Variants in PER3 observed in about 807,000 individuals in gnomAD.
PER3 encodes period circadian protein homolog 3.
PER3 carries 107 observed loss-of-function variants against 127.2 expected under a neutral mutation model. The observed-to-expected ratio is 0.84, with a 90% CI of 0.72 to 0.99. The LOEUF (loss-of-function observed/expected upper bound fraction) is 0.99. Among genes scored for constraint, PER3 ranks in the 50% least tolerant of loss-of-function variants. The pLI, the probability that PER3 is intolerant of heterozygous loss-of-function variation, is 0.00. For missense variants in PER3, 1,560 were observed against 1,525.8 expected (o/e 1.02, Z -0.37); for synonymous variants, 618 against 585.8 (o/e 1.05, Z -0.79).
chr1:7,831,159 C>T (rs545365575), intron 19 of PER3, among the ~76,000 whole-genome samples: 2 of 152,140 alleles, frequency 1.3e-5, no homozygotes, highest in Admixed American at 1.3e-4. Context: ...TAGTTTTCAG[C>T]CTACAACCCT....
intron 5 of PER3, 80 bp from the exon 6 acceptor site, chr1:7,793,877 G>C: frequency 8.5e-7 from 1 of 1,180,938 alleles, no homozygotes; most frequent in Non-Finnish European, 1.3e-6. Context: ...ATAGTTTGTT[G>C]TTTGATAATG....
At chr1:7,835,419 G>T (rs2097353286) in intron 19 of PER3, among the ~76,000 whole-genome samples, 1 of 152,214 alleles carries the variant, frequency 6.6e-6, no homozygotes, top group African/African-American at 2.4e-5. Flanking sequence ...ACTACAGGAA[G>T]ACTAAGACGT....
chr1:7,810,578 G>A lies in PER3; in HGVS notation c.1512G>A (p.Ala504=), dbSNP rs530759179. ...AACCGAATGGTGGTGGTGAGTCAGC[G>A]AATGGTGGTGGTGAGTCAGCCGGCA... ...RTEPNGGGES[A]NGGGECKTFT... Residue 504 remains alanine (A), a synonymous_variant, in exon 13 of 22, where the codon GCG becomes GCA. Coordinates refer to ENST00000377532, the MANE Select transcript of PER3 (RefSeq NM_001377275.1). 207 of 1,609,564 alleles carry A rather than the reference G, an allele frequency of 1.3e-4. No homozygotes were observed. Among genetic ancestry groups the A allele is most frequent in the Non-Finnish European group, 1.6e-4 (189 of 1,178,368 alleles).
intron 16 of PER3, among the ~76,000 whole-genome samples, chr1:7,820,867 GAC>G (rs368332367): frequency 3.9e-4 from 60 of 152,292 alleles, no homozygotes; most frequent in African/African-American, 1.3e-3. Context: ...GAAATCAGTT[GAC>G]ACATATAAAG....
Position 7,819,432 on chromosome 1 carries a change from C to T in PER3, c.1658+12C>T. 1 of 1,612,530 alleles carries T rather than the reference C, an allele frequency of 6.2e-7. No homozygotes were observed. The highest frequency in any genetic ancestry group is 1.1e-5 in the South Asian group (1 of 90,974). ...GACAGTGTCATCAGGTATGAGACCG[C>T]AAGTTTGGATACCATGTAAGTCTGT... On this transcript the variant is annotated intron_variant, in intron 14 of 21. Coordinates refer to ENST00000377532, the MANE Select transcript of PER3 (RefSeq NM_001377275.1).
chr1:7,815,744 AG>A (rs895666839), intron 13 of PER3, among the ~76,000 whole-genome samples: 2 of 151,728 alleles, frequency 1.3e-5, no homozygotes, highest in African/African-American at 4.8e-5. Flanking sequence ...CCAGCACTTT[AG>A]GGGGCCGAGG....
At chr1:7,819,571 G>A (rs1451271551) in intron 14 of PER3, 151 bp downstream of exon 14, 4 of 671,042 alleles carry the variant, frequency 6.0e-6, no homozygotes, top group Non-Finnish European at 1.0e-5. Flanking sequence ...CACATACGCT[G>A]AACATTTCAG....
chr1:7,842,306 G>A lies in PER3; in HGVS notation c.3550-366G>A, dbSNP rs150234162. Among the ~76,000 whole-genome samples, 747 of 151,892 alleles carry A rather than the reference G, an allele frequency of 4.9e-3. 8 individuals are homozygous for A. Among genetic ancestry groups the A allele is most frequent in the African/African-American group, 0.017 (718 of 41,404 alleles). On this transcript the variant is annotated intron_variant, in intron 21 of 21. Coordinates refer to ENST00000377532, the MANE Select transcript of PER3 (RefSeq NM_001377275.1). ...TCACGAGGTCAGGGGTTCAAGACCA[G>A]CCTGGCCAACATAATGAAACCCTAT...
chr1:7,842,153 C>T (rs534384082), intron 21 of PER3, among the ~76,000 whole-genome samples: 3 of 152,118 alleles, frequency 2.0e-5, no homozygotes, highest in East Asian at 1.9e-4. Flanking sequence ...TGTTTTTGAC[C>T]GAAACGTCAT....
chr1:7,825,978 C>T (rs1014697449), intron 16 of PER3, among the ~76,000 whole-genome samples: 1 of 151,780 alleles, frequency 6.6e-6, no homozygotes, highest in Non-Finnish European at 1.5e-5. Context: ...GAGGCTAAGG[C>T]AGAATCGCTT....
intron 19 of PER3, among the ~76,000 whole-genome samples, chr1:7,833,611 A>G (rs150689528): frequency 1.3e-5 from 2 of 152,012 alleles, no homozygotes; most frequent in Admixed American, 6.6e-5. Flanking sequence ...TTTACTTTCA[A>G]CTTATCTGTG....
In PER3 at chr1:7,826,293, G is replaced by A. The variant is rs2097301183; in HGVS notation, c.1958-187G>A. Reference sequence around the variant, plus strand: ...ATTATCACAACTGTAAAATGTATGTGCATTTGTGCAAAGAATATAAAGGAA... The same window carrying A: ...ATTATCACAACTGTAAAATGTATGTACATTTGTGCAAAGAATATAAAGGAA... On this transcript the variant is annotated intron_variant, in intron 16 of 21. Transcript: ENST00000377532. The surrounding 1 kb of genome is among the most constrained non-coding windows in gnomAD (Gnocchi z 4.2). Among the ~76,000 whole-genome samples the A allele has an allele frequency of 6.6e-6, 1 of 152,156 alleles. No homozygotes were observed. Among genetic ancestry groups the A allele is most frequent in the East Asian group, 1.9e-4 (1 of 5,200 alleles).
At position 7,801,095 on chromosome 1, in the gene PER3, TTG is replaced by T. The variant is rs1491374743; in HGVS notation, c.794-16_794-15del. 1.3e-6 allele frequency: 2 copies of T among 1,546,152 alleles called. No individual in the cohort carries two copies. Among genetic ancestry groups the T allele is most frequent in the South Asian group, 1.1e-5 (1 of 88,000 alleles). ...TAGATATTTGCCTTTAAATGGGTCT[TTG>T]TTTTTTTTTCCTTAGCTCCTCGGAT... On this transcript the variant is annotated splice_polypyrimidine_tract_variant and intron_variant, in intron 7 of 21. Transcript: ENST00000377532.
In PER3 at chr1:7,826,758, C is replaced by T. The variant is rs1394808577; in HGVS notation, c.2188+48C>T. The T allele has an allele frequency of 9.1e-7, 1 of 1,104,092 alleles. No individual in the cohort carries two copies. The highest frequency in any genetic ancestry group is 1.4e-6 in the Non-Finnish European group (1 of 728,502). 68.4% of individuals were successfully genotyped at this position (1,104,092 alleles called of 1,614,324 possible). ...ATGCCATTAATCTATGTAAATGTTA[C>T]AAACTGTATCTAAGGACTAGGAGAT... On this transcript the variant is annotated intron_variant, in intron 17 of 21. Transcript: ENST00000377532. This position sits in a 1 kb window ranked among gnomAD's most constrained non-coding sequence, Gnocchi z 4.2.
Position 7,785,440 on chromosome 1 carries a change from G to T in PER3, c.129-1G>T. 6.2e-7 allele frequency: 1 copy of T among 1,610,732 alleles called. No individual in the cohort carries two copies. Among genetic ancestry groups the T allele is most frequent in the South Asian group, 1.1e-5 (1 of 90,848 alleles). ...AGTTGTAATTTTTTTTTATCTTCCA[G>T]TGAACAGCAAGATCGAAACAGAGTT... is the stretch of plus-strand genomic sequence containing the variant. On this transcript the variant is annotated splice_acceptor_variant, in intron 2 of 21. Transcript: ENST00000377532. LOFTEE classifies it high-confidence loss of function.
Position 7,820,181 on chromosome 1 carries a change from T to C in PER3, c.1725T>C (p.Ser575=), listed in dbSNP as rs2097269463. Residue 575 remains serine, a synonymous_variant, in exon 15 of 22, where the codon TCT becomes TCC. Transcript: ENST00000377532. ...RKCISCTNTT[S]SSSEEDKQNH... ...GTATCTCCTGTACAAATACAACTTC[T>C]TCCTCCTCAGAAGAAGACAAACAGA... is the stretch of plus-strand genomic sequence containing the variant. 1.2e-6 allele frequency: 2 copies of C among 1,613,734 alleles called. No homozygotes were observed. Among genetic ancestry groups the C allele is most frequent in the Non-Finnish European group, 1.7e-6 (2 of 1,179,616 alleles).
intron 13 of PER3, among the ~76,000 whole-genome samples, chr1:7,818,298 C>T (rs1253111273): frequency 1.3e-5 from 2 of 152,142 alleles, no homozygotes; most frequent in Non-Finnish European, 2.9e-5. Context: ...TTTTGCAACT[C>T]TTCAAGTCTA....
chr1:7,820,615 T>G lies in PER3; in HGVS notation c.1932T>G (p.Ile644Met). 1 of 1,613,124 alleles carries G rather than the reference T, an allele frequency of 6.2e-7. No individual in the cohort carries two copies. The highest frequency in any genetic ancestry group is 1.1e-5 in the South Asian group (1 of 90,860). The stretch of plus-strand genomic sequence containing the variant: ...GCCAATGCGGTTACAGCAGCACCAT[T>G]GTCCATGTCCCACCCCCAGAGACAG... ...GISQCGYSSTIVHVPPPETAR... is the reference protein window; with the variant it reads ...GISQCGYSSTMVHVPPPETAR... The change falls in exon 16 of 22, where the codon ATT becomes ATG. Residue 644 changes from isoleucine (I) to methionine (M), a missense_variant. Physicochemically the swap from Ile to Met is conservative, Grantham distance 10. Coordinates refer to ENST00000377532, the MANE Select transcript of PER3 (RefSeq NM_001377275.1).
At chr1:7,786,944 G>A in intron 4 of PER3, 108 bp downstream of exon 4, 1 of 689,970 alleles carries the variant, frequency 1.4e-6, no homozygotes, top group Non-Finnish European at 2.6e-6. Flanking sequence ...ACCACAATTT[G>A]AGAGAAGCAA....
Sources: gnomAD v4.1 joint callset for allele counts (sites outside exome capture counted in the v4.1 genomes callset) on GRCh38, gnomAD v4.1.1 for gene constraint, Gnocchi (gnomAD v3.1) non-coding constraint, MANE v1.5 for transcripts, NCBI Gene and HGNC (gene_info 2026-07-23, HGNC 2026-07-21) for gene names.